The following PAWR variants were observed in gnomAD, a reference collection of about 807,000 sequenced individuals.
The protein encoded by PAWR is PRKC apoptosis WT1 regulator protein.
A neutral mutation model predicts 32.0 loss-of-function variants in PAWR; 23 were observed. The ratio of observed to expected loss-of-function variants is 0.72; its 90% CI spans 0.52 to 1.02. PAWR has a LOEUF of 1.02. PAWR is among the 50% of genes least tolerant of loss of function. The probability of loss-of-function intolerance (pLI) is 0.00; values close to 1 mark genes in which losing one functional copy is unlikely to be tolerated. For synonymous variants in PAWR, 226 were observed against 187.1 expected, an observed-to-expected ratio of 1.21 and a Z score of -1.70; for missense variants, 457 against 437.7, an observed-to-expected ratio of 1.04 and a Z score of -0.39.
chr12:79,677,745 A>G (rs1001580237), intron 2 of PAWR, among the ~76,000 whole-genome samples: 6 of 152,220 alleles, frequency 3.9e-5, no homozygotes, highest in African/African-American at 1.4e-4. Flanking sequence ...GAAGTTAAAC[A>G]AGTAATACAT....
At chr12:79,635,466 C>T (rs964649364) in intron 2 of PAWR, 1 of 152,122 alleles carries the variant, frequency 6.6e-6, no homozygotes, top group African/African-American at 2.4e-5. Flanking sequence ...AAAAGACCTA[C>T]ACCTTGTTTA....
intron 2 of PAWR, among the ~76,000 whole-genome samples, chr12:79,653,356 C>A (rs1291277820): frequency 6.6e-6 from 1 of 151,370 alleles, no homozygotes; most frequent in African/African-American, 2.4e-5. Context: ...TGTTTCAATT[C>A]ATTTTGAAAC....
chr12:79,668,828 C>T (rs1271370354), intron 2 of PAWR, among the ~76,000 whole-genome samples: 1 of 152,156 alleles, frequency 6.6e-6, no homozygotes, highest in Non-Finnish European at 1.5e-5. Flanking sequence ...GTCTACGGCC[C>T]AGGAGCTGGG....
At position 79,632,326 on chromosome 12, in the gene PAWR, T is replaced by TATATATATATATATAC. The variant is rs1875702193; in HGVS notation, c.517-11120_517-11119insGTATATATATATATAT. Among the ~76,000 whole-genome samples the TATATATATATATATAC allele has an allele frequency of 6.0e-5, 2 of 33,320 alleles. 1 individual carries two copies. Among genetic ancestry groups the TATATATATATATATAC allele is most frequent in the Admixed American group, 8.3e-4 (2 of 2,398 alleles). The allele number at this position is 33,320 out of a possible 152,430, so 21.9% of individuals were successfully genotyped here. A position where few individuals can be genotyped will look rare whatever the true frequency, so the allele number is the denominator to read the frequency against. Reference sequence around the variant, plus strand: ...ATATATACATACATATATATATATATATATATATATATATATATATATATA... The same window carrying TATATATATATATATAC: ...ATATATACATACATATATATATATATATATATATATATATACATATATATATATATATATATATATA... On this transcript the variant is annotated intron_variant, in intron 2 of 6. Transcript: ENST00000328827.
At chr12:79,630,713 TAAAG>T (rs764858836) in intron 2 of PAWR, among the ~76,000 whole-genome samples, 17 of 152,010 alleles carry the variant, frequency 1.1e-4, no homozygotes, top group Non-Finnish European at 2.4e-4. Flanking sequence ...CTCTATCTAG[TAAAG>T]AAAGTAAAGA....
intron 2 of PAWR, among the ~76,000 whole-genome samples, chr12:79,636,593 TCTA>T (rs775321441): frequency 6.6e-6 from 1 of 152,158 alleles, no homozygotes; most frequent in Non-Finnish European, 1.5e-5. Flanking sequence ...TAAATTGTGA[TCTA>T]CTATCTAGTT....
At chr12:79,627,025 T>C (rs1875365821) in intron 2 of PAWR, among the ~76,000 whole-genome samples, 1 of 152,206 alleles carries the variant, frequency 6.6e-6, no homozygotes, top group South Asian at 2.1e-4. Context: ...GTCTTTGCTA[T>C]TGTGAATAGT....
chr12:79,626,577 TC>T (rs1222549333), intron 2 of PAWR, among the ~76,000 whole-genome samples: 1 of 150,906 alleles, frequency 6.6e-6, no homozygotes, highest in Non-Finnish European at 1.5e-5. Flanking sequence ...ACTTTTTTTT[TC>T]CTTTTTTTTT....
intron 4 of PAWR, among the ~76,000 whole-genome samples, chr12:79,600,833 T>C (rs988522205): frequency 1.3e-5 from 2 of 152,134 alleles, no homozygotes; most frequent in African/African-American, 2.4e-5. Context: ...TATCACACAT[T>C]GTAACAGCCC....
intron 2 of PAWR, among the ~76,000 whole-genome samples, chr12:79,671,641 G>T (rs1877906086): frequency 6.6e-6 from 1 of 151,606 alleles, no homozygotes; most frequent in Non-Finnish European, 1.5e-5. Flanking sequence ...CGATACGAGG[G>T]ATATAAAGAC....
At chr12:79,688,414 T>C (rs1273789176) in intron 2 of PAWR, 2 of 150,568 alleles carry the variant, frequency 1.3e-5, no homozygotes, top group Non-Finnish European at 2.9e-5. Flanking sequence ...TTGAGGAATG[T>C]AGCTTTTCCA....
Position 79,690,152 on chromosome 12 carries a change from G to T in PAWR, c.93C>A (p.Arg31=). The part of the protein sequence containing the change: ...EEWKAKREKM[R]AKQNPPGPAP... ...CCGGGCCCGGGGGGTTCTGCTTGGCGCGCATCTTCTCGCGTTTCGCCTTCC... is the reference window on the plus strand; with the variant it reads ...CCGGGCCCGGGGGGTTCTGCTTGGCTCGCATCTTCTCGCGTTTCGCCTTCC... The change falls in exon 2 of 7, where the codon CGC becomes CGA. Residue 31 remains arginine, a synonymous_variant. Transcript: ENST00000328827. The T allele has an allele frequency of 6.6e-7, 1 of 1,525,720 alleles. No individual in the cohort carries two copies. 94.5% of individuals were successfully genotyped at this position (1,525,720 alleles called of 1,614,324 possible).
intron 3 of PAWR, among the ~76,000 whole-genome samples, chr12:79,616,521 T>C (rs563254523): frequency 1.3e-5 from 2 of 152,156 alleles, no homozygotes; most frequent in South Asian, 4.1e-4. Flanking sequence ...AGATATAGAG[T>C]AGAATTTTAA....
At chr12:79,658,625 T>C (rs1440152368) in intron 2 of PAWR, among the ~76,000 whole-genome samples, 2 of 152,152 alleles carry the variant, frequency 1.3e-5, no homozygotes, top group Admixed American at 6.5e-5. Context: ...TTCAAGAGAA[T>C]ATTCATCCTT....
chr12:79,614,244 G>A (rs932712178), intron 3 of PAWR, among the ~76,000 whole-genome samples: 12 of 150,518 alleles, frequency 8.0e-5, no homozygotes, highest in South Asian at 4.2e-4. Context: ...TCCTGACCTC[G>A]GGTGATCCGT....
chr12:79,618,740 G>A (rs1039543510), intron 3 of PAWR, among the ~76,000 whole-genome samples: 5 of 152,012 alleles, frequency 3.3e-5, no homozygotes, highest in African/African-American at 1.2e-4. Flanking sequence ...TAATTTTAAC[G>A]AGGAAAATGC....
At chr12:79,626,033 A>G (rs1337704561) in intron 2 of PAWR, among the ~76,000 whole-genome samples, 1 of 132,934 alleles carries the variant, frequency 7.5e-6, no homozygotes, top group Admixed American at 7.6e-5. Context: ...GCGTGGTGGC[A>G]CGCGCCTGTA....
At chr12:79,636,129 G>A (rs532552959) in intron 2 of PAWR, among the ~76,000 whole-genome samples, 2 of 152,104 alleles carry the variant, frequency 1.3e-5, no homozygotes, top group South Asian at 4.1e-4. Flanking sequence ...AATCTTAAAG[G>A]CAATAGTTTC....
At chr12:79,634,664 A>AAGAAAC (rs112922172) in intron 2 of PAWR, among the ~76,000 whole-genome samples, 52,312 of 151,552 alleles carry the variant, frequency 0.35, 15,169 homozygotes, top group African/African-American at 0.8. Context: ...TTTTAAGAAA[A>AAGAAAC]AGAACAGAAT....
Sources: allele counts gnomAD v4.1 joint callset (sites outside exome capture counted in the v4.1 genomes callset), GRCh38; gene constraint gnomAD v4.1.1; transcripts MANE v1.5; gene names NCBI Gene and HGNC (gene_info 2026-07-23, HGNC 2026-07-21).